GRHL2: variants seen among roughly 807,000 people sequenced by gnomAD.
The protein encoded by GRHL2 is grainyhead-like protein 2 homolog.
A neutral mutation model predicts 83.8 loss-of-function variants in GRHL2; 21 were observed. The ratio of observed to expected loss-of-function variants is 0.25; its 90% CI spans 0.18 to 0.36. GRHL2 has a LOEUF of 0.36. Among genes scored for constraint, GRHL2 ranks in the 10% least tolerant of loss-of-function variants. GRHL2 has a pLI of 1.00. For synonymous variants in GRHL2, 280 were observed against 278.9 expected, an observed-to-expected ratio of 1.00 and a Z score of -0.04; for missense variants, 623 against 781.8, an observed-to-expected ratio of 0.80 and a Z score of 2.42.
chr8:101,510,368 T>A (rs534949996), intron 1 of GRHL2, among the ~76,000 whole-genome samples: 53 of 152,362 alleles, frequency 3.5e-4, no homozygotes, highest in Middle Eastern at 3.4e-3. Context: ...TCAGTAAATA[T>A]TTTAATGTCA....
At position 101,586,013 on chromosome 8, in the gene GRHL2, ACT is replaced by A. The variant is rs1025635052; in HGVS notation, c.1003+8499_1003+8500del. Among the ~76,000 whole-genome samples the A allele has an allele frequency of 5.5e-5, 8 of 144,246 alleles. No homozygotes were observed. In the South Asian group the frequency reaches 9.0e-4, roughly 16 times the overall value. The allele number at this position is 144,246 out of a possible 152,430, so 94.6% of individuals were successfully genotyped here. ...CAGCTCCAGTCCCTGATCCCTGCAG[ACT>A]CTCTTTCAAGCTATTGCTGGGCCCT... On this transcript the variant is annotated intron_variant, in intron 7 of 15. Transcript: ENST00000646743.
At chr8:101,537,455 A>G (rs995702120) in intron 1 of GRHL2, among the ~76,000 whole-genome samples, 1 of 152,164 alleles carries the variant, frequency 6.6e-6, no homozygotes, top group Non-Finnish European at 1.5e-5. Flanking sequence ...AAAGCAAAAA[A>G]ATGGCCAAGA....
Position 101,572,589 on chromosome 8 carries a change from T to C in GRHL2, c.735-1079T>C, listed in dbSNP as rs1398238489. Among the ~76,000 whole-genome samples the C allele has an allele frequency of 7.2e-5, 11 of 152,252 alleles. No homozygotes were observed. In the East Asian group the frequency reaches 2.1e-3, roughly 29 times the overall value. ...CTATGAAATAAAAGAGCTAAAAAAA[T>C]AAACACAATGGAGAGTTTCTGATGA... On this transcript the variant is annotated intron_variant, in intron 5 of 15. Transcript: ENST00000646743.
intron 8 of GRHL2, among the ~76,000 whole-genome samples, chr8:101,600,867 A>G (rs1224350412): frequency 6.6e-6 from 1 of 152,206 alleles, no homozygotes; most frequent in Non-Finnish European, 1.5e-5. Context: ...TGTCTTATCA[A>G]TGTTAAAGGA....
At chr8:101,627,315 T>C (rs1336119789) in intron 9 of GRHL2, among the ~76,000 whole-genome samples, 2 of 152,120 alleles carry the variant, frequency 1.3e-5, no homozygotes, top group Admixed American at 6.6e-5. Context: ...TCTCTCAACA[T>C]TTCAAACATT....
intron 1 of GRHL2, among the ~76,000 whole-genome samples, chr8:101,539,611 A>G (rs1334436099): frequency 2.0e-5 from 3 of 152,194 alleles, no homozygotes; most frequent in African/African-American, 7.2e-5. Flanking sequence ...AGTTTTCTAC[A>G]TGGAAATGCT....
At chr8:101,601,558 C>T (rs1411228429) in intron 8 of GRHL2, among the ~76,000 whole-genome samples, 1 of 152,136 alleles carries the variant, frequency 6.6e-6, no homozygotes, top group African/African-American at 2.4e-5. Context: ...TGTGAGTGTG[C>T]ATGTGTATGA....
Position 101,667,242 on chromosome 8 carries a change from C to T in GRHL2, c.*539C>T, listed in dbSNP as rs1175491348. Reference sequence around the variant, plus strand: ...TGGGGAAGGCTGTCTTGCTAAATACCTCCAGGGTTCCCAGCAAGTGGCCAC... The same window carrying T: ...TGGGGAAGGCTGTCTTGCTAAATACTTCCAGGGTTCCCAGCAAGTGGCCAC... On this transcript the variant is annotated 3_prime_UTR_variant, in exon 16 of 16. Coordinates refer to ENST00000646743, the MANE Select transcript of GRHL2 (RefSeq NM_024915.4). 1 of 187,854 alleles carries T rather than the reference C, an allele frequency of 5.3e-6. No homozygotes were observed. The highest frequency in any genetic ancestry group is 2.3e-5 in the African/African-American group (1 of 43,144). The allele number at this position is 187,854 out of a possible 1,614,324, so 11.6% of individuals were successfully genotyped here.
chr8:101,572,809 G>GT (rs1406846969), intron 5 of GRHL2, among the ~76,000 whole-genome samples: 1 of 152,176 alleles, frequency 6.6e-6, no homozygotes, highest in Non-Finnish European at 1.5e-5. Context: ...ATTATATCAT[G>GT]TTTTTTAAAA....
chr8:101,582,726 T>G (rs1485341518), intron 7 of GRHL2, among the ~76,000 whole-genome samples: 1 of 152,212 alleles, frequency 6.6e-6, no homozygotes, highest in East Asian at 1.9e-4. Flanking sequence ...CCTCAGCGTC[T>G]TTGCAGAGGA....
chr8:101,504,491 C>T lies in GRHL2; in HGVS notation c.20+11702C>T, dbSNP rs530197015. Among the ~76,000 whole-genome samples, 8 of 152,218 alleles carry T rather than the reference C, an allele frequency of 5.3e-5. No individual in the cohort carries two copies. The South Asian group carries it at 1.7e-3, about 32-fold the overall frequency. On this transcript the variant is annotated intron_variant, in intron 1 of 15. Coordinates refer to ENST00000646743, the MANE Select transcript of GRHL2 (RefSeq NM_024915.4). The stretch of plus-strand genomic sequence containing the variant: ...TTGAAGCAAACTCTCTCGAGGCAAA[C>T]CTGCTGGCCTCACCACCTCAGACCC...
the GRHL2 span, among the ~76,000 whole-genome samples, chr8:101,677,851 G>A: frequency 1.4e-4 from 22 of 152,144 alleles, no homozygotes; most frequent in Non-Finnish European, 2.5e-4. Context: ...TGTGGTCAGC[G>A]TTCACTGTAG....
At chr8:101,661,373 G>A (rs1813917477) in intron 14 of GRHL2, among the ~76,000 whole-genome samples, 1 of 152,026 alleles carries the variant, frequency 6.6e-6, no homozygotes, top group South Asian at 2.1e-4. Flanking sequence ...TGAATCTAGT[G>A]GTCCCTTGAG....
At chr8:101,608,068 G>A (rs976934007) in intron 8 of GRHL2, among the ~76,000 whole-genome samples, 10 of 152,240 alleles carry the variant, frequency 6.6e-5, no homozygotes, top group South Asian at 4.1e-4. Flanking sequence ...GTGTGTGCGT[G>A]TGTACACAAT....
intron 2 of GRHL2, among the ~76,000 whole-genome samples, chr8:101,545,551 C>T (rs944106067): frequency 1.3e-4 from 18 of 142,340 alleles, no homozygotes; most frequent in African/African-American, 3.4e-4. Flanking sequence ...TTATAGTTTT[C>T]ATTCTTTCTG....
intron 3 of GRHL2, among the ~76,000 whole-genome samples, chr8:101,554,312 C>T (rs1811447152): frequency 6.6e-6 from 1 of 152,336 alleles, no homozygotes; most frequent in Middle Eastern, 3.4e-3. Context: ...AAAACTTTTC[C>T]TTGACCCAGC....
chr8:101,674,669 A>G (rs1322087541), downstream of GRHL2, among the ~76,000 whole-genome samples: 1 of 152,184 alleles, frequency 6.6e-6, no homozygotes, highest in African/African-American at 2.4e-5. Context: ...AACTATTCCA[A>G]TCAATAGAAA....
At chr8:101,545,227 C>T (rs1330224365) in intron 2 of GRHL2, among the ~76,000 whole-genome samples, 1 of 152,050 alleles carries the variant, frequency 6.6e-6, no homozygotes, top group Admixed American at 6.5e-5. Flanking sequence ...TAGGCTTTCT[C>T]CAGTCTAGGC....
chr8:101,545,908 A>G (rs1421258876), intron 2 of GRHL2, among the ~76,000 whole-genome samples: 5 of 80,060 alleles, frequency 6.2e-5, no homozygotes, highest in African/African-American at 2.6e-4. Context: ...TTTGAGATGG[A>G]GTCTTGCTCT....
Sources: gnomAD v4.1 joint callset for allele counts (sites outside exome capture counted in the v4.1 genomes callset) on GRCh38, gnomAD v4.1.1 for gene constraint, MANE v1.5 for transcripts, NCBI Gene and HGNC (gene_info 2026-07-23, HGNC 2026-07-21) for gene names.